The following MAGI2 variants were observed in gnomAD, a reference collection of about 807,000 sequenced individuals.
MAGI2 encodes the protein membrane-associated guanylate kinase, WW and PDZ domain-containing protein 2.
MAGI2 carries 35 observed loss-of-function variants against 133.3 expected under a neutral mutation model. The observed-to-expected ratio is 0.26, with a 90% CI of 0.20 to 0.35. The LOEUF (loss-of-function observed/expected upper bound fraction) is 0.35, where lower values mean the gene tolerates loss of function less well. MAGI2 is among the 10% of genes least tolerant of loss of function. MAGI2 has a pLI of 1.00. For synonymous variants in MAGI2, 729 were observed against 710.6 expected, an observed-to-expected ratio of 1.03 and a Z score of -0.41; for missense variants, 1,636 against 1,863.4, an observed-to-expected ratio of 0.88 and a Z score of 2.25.
chr7:78,712,586 A>C (rs1045313548), intron 2 of MAGI2, among the ~76,000 whole-genome samples: 2 of 152,164 alleles, frequency 1.3e-5, no homozygotes, highest in Non-Finnish European at 2.9e-5. Context: ...ACTTGAATTG[A>C]GATCTTAAAA....
intron 1 of MAGI2, among the ~76,000 whole-genome samples, chr7:79,438,088 C>T (rs1004120174): frequency 3.3e-5 from 5 of 152,130 alleles, no homozygotes; most frequent in East Asian, 1.9e-4. Context: ...CAGCTCTTTG[C>T]CAGGCAACAG....
At chr7:78,366,438 A>G (rs1351704208) in intron 7 of MAGI2, among the ~76,000 whole-genome samples, 5 of 152,174 alleles carry the variant, frequency 3.3e-5, no homozygotes, top group Non-Finnish European at 4.4e-5. Flanking sequence ...AACACTCTAC[A>G]TACTGAAAGT....
chr7:78,665,422 C>T, intron 2 of MAGI2, among the ~76,000 whole-genome samples: 1 of 152,064 alleles, frequency 6.6e-6, no homozygotes, highest in East Asian at 1.9e-4. Flanking sequence ...GTAGGCAGTG[C>T]AAAGGATGGA....
At chr7:79,315,312 C>A (rs570652238) in intron 1 of MAGI2, among the ~76,000 whole-genome samples, 24 of 149,188 alleles carry the variant, frequency 1.6e-4, no homozygotes, top group Non-Finnish European at 3.1e-4. Flanking sequence ...GCATGTGCAA[C>A]CATGCCCAGT....
intron 2 of MAGI2, among the ~76,000 whole-genome samples, chr7:78,842,821 G>T (rs1792260874): frequency 6.6e-6 from 1 of 151,622 alleles, no homozygotes; most frequent in Non-Finnish European, 1.5e-5. Flanking sequence ...CATTTTTATT[G>T]TAAGTAGTAC....
intron 1 of MAGI2, among the ~76,000 whole-genome samples, chr7:79,446,191 A>T (rs1030484169): frequency 6.6e-6 from 1 of 152,200 alleles, no homozygotes; most frequent in African/African-American, 2.4e-5. Context: ...GGGGAGGGAT[A>T]GCATTAGCAG....
rs1241551924 is a variant in MAGI2, at chr7:79,011,288, G to A, written c.302-4082C>T. Among the ~76,000 whole-genome samples, 9 of 152,238 alleles carry A rather than the reference G, an allele frequency of 5.9e-5. No individual in the cohort carries two copies. The East Asian group carries it at 1.2e-3, about 20-fold the overall frequency. On this transcript the variant is annotated intron_variant, in intron 1 of 21. Transcript: ENST00000354212. ...TTTGTCATTTCTATTACTTGAATAC[G>A]TAGACTGAGGAAACAAAGGAAGAAG...
intron 1 of MAGI2, among the ~76,000 whole-genome samples, chr7:79,428,489 A>G (rs924561003): frequency 6.6e-6 from 1 of 152,156 alleles, no homozygotes; most frequent in Non-Finnish European, 1.5e-5. Context: ...GCTGATATTT[A>G]TTTTGTAGGA....
intron 2 of MAGI2, among the ~76,000 whole-genome samples, chr7:78,935,628 G>T (rs1318865308): frequency 6.6e-6 from 1 of 151,968 alleles, no homozygotes; most frequent in African/African-American, 2.4e-5. Flanking sequence ...TTTTTGGATG[G>T]AAAGTTGACA....
At chr7:78,123,437 A>G (rs1156305955) in intron 20 of MAGI2, among the ~76,000 whole-genome samples, 1 of 152,218 alleles carries the variant, frequency 6.6e-6, no homozygotes, top group East Asian at 1.9e-4. Context: ...GCAAGGGATC[A>G]AAAACAATAA....
At chr7:78,725,994 C>CA (rs1030182760) in intron 2 of MAGI2, among the ~76,000 whole-genome samples, 11 of 151,332 alleles carry the variant, frequency 7.3e-5, no homozygotes, top group African/African-American at 1.9e-4. Flanking sequence ...TATAGTTGCT[C>CA]AAAAAAAATG....
chr7:78,366,135 C>A (rs1165370980), intron 7 of MAGI2, among the ~76,000 whole-genome samples: 1 of 152,086 alleles, frequency 6.6e-6, no homozygotes, highest in Non-Finnish European at 1.5e-5. Context: ...TACAGAGAAT[C>A]CACTGCTCAT....
In MAGI2 at chr7:78,918,263, T is replaced by C. The variant is rs142490344; in HGVS notation, c.418+88827A>G. 9.6e-3 allele frequency among the ~76,000 whole-genome samples: 1,465 copies of C among 152,288 alleles called. 22 individuals are homozygous for C. Among genetic ancestry groups the C allele is most frequent in the African/African-American group, 0.034 (1,409 of 41,584 alleles). Reference sequence around the variant, plus strand: ...TCTATTTCTTACTATGCCACAGCCATATTCCTTACTTGTTTAGTGTATTTT... The same window carrying C: ...TCTATTTCTTACTATGCCACAGCCACATTCCTTACTTGTTTAGTGTATTTT... On this transcript the variant is annotated intron_variant, in intron 2 of 21. Coordinates refer to ENST00000354212, the MANE Select transcript of MAGI2 (RefSeq NM_012301.4).
intron 1 of MAGI2, among the ~76,000 whole-genome samples, chr7:79,424,798 G>C (rs1014863604): frequency 1.3e-5 from 2 of 152,086 alleles, no homozygotes; most frequent in African/African-American, 4.8e-5. Flanking sequence ...ATTTGAGTTG[G>C]ATCAGGCAAA....
intron 6 of MAGI2, among the ~76,000 whole-genome samples, chr7:78,437,450 G>A (rs1339072484): frequency 6.6e-6 from 1 of 152,166 alleles, no homozygotes; most frequent in Non-Finnish European, 1.5e-5. Flanking sequence ...ACAAAGCAGG[G>A]CAAAGTCTGC....
chr7:78,788,657 TGTA>T (rs1827031138), intron 2 of MAGI2, among the ~76,000 whole-genome samples: 1 of 152,324 alleles, frequency 6.6e-6, no homozygotes, highest in Admixed American at 6.5e-5. Context: ...TTTAGATTTC[TGTA>T]GTTTAGAACT....
At chr7:78,837,719 T>C (rs1320413696) in intron 2 of MAGI2, among the ~76,000 whole-genome samples, 1 of 152,184 alleles carries the variant, frequency 6.6e-6, no homozygotes, top group African/African-American at 2.4e-5. Flanking sequence ...TCAATGGATT[T>C]AAGTTACAAA....
chr7:78,313,698 C>A (rs1010909496), intron 9 of MAGI2, among the ~76,000 whole-genome samples: 2 of 151,750 alleles, frequency 1.3e-5, no homozygotes, highest in Non-Finnish European at 2.9e-5. Flanking sequence ...GCTCAATGGC[C>A]AGTAGCACAT....
Position 78,840,719 on chromosome 7 carries a change from A to G in MAGI2, c.418+166371T>C, listed in dbSNP as rs529065128. Among the ~76,000 whole-genome samples the G allele has an allele frequency of 3.3e-5, 5 of 152,156 alleles. 1 individual carries two copies. The East Asian group carries it at 5.8e-4, about 18-fold the overall frequency. ...CAACATCAAAGAGCTGAGGCTTGTC[A>G]GCATTACTTAGTGGGAAAGAATATG... On this transcript the variant is annotated intron_variant, in intron 2 of 21. Transcript: ENST00000354212.
Sources: gnomAD v4.1 joint callset for allele counts (sites outside exome capture counted in the v4.1 genomes callset) on GRCh38, gnomAD v4.1.1 for gene constraint, MANE v1.5 for transcripts, NCBI Gene and HGNC (gene_info 2026-07-23, HGNC 2026-07-21) for gene names.